The following NPHP4 variants were observed in gnomAD, a reference collection of about 807,000 sequenced individuals.
NPHP4 encodes the protein nephrocystin-4.
A neutral mutation model predicts 155.8 loss-of-function variants in NPHP4; 151 were observed. The ratio of observed to expected loss-of-function variants is 0.97; its 90% CI spans 0.85 to 1.11. The LOEUF (loss-of-function observed/expected upper bound fraction) is 1.11. Ranked by LOEUF, NPHP4 falls within the 50% of genes least tolerant of loss-of-function variation. The probability of loss-of-function intolerance (pLI) is 0.00; values close to 1 mark genes in which losing one functional copy is unlikely to be tolerated. For synonymous variants in NPHP4, 845 were observed against 816.8 expected (o/e 1.03, Z -0.59); for missense variants, 1,956 against 1,925.7 (o/e 1.02, Z -0.29).
chr1:5,963,710 G>C (rs560175540), intron 5 of NPHP4, among the ~76,000 whole-genome samples: 14 of 130,414 alleles, frequency 1.1e-4, no homozygotes, highest in African/African-American at 2.6e-4. Context: ...TTTTTTTTGA[G>C]ACAGAATCTT....
At chr1:5,934,380 C>T (rs997721252) in intron 9 of NPHP4, among the ~76,000 whole-genome samples, 2 of 152,170 alleles carry the variant, frequency 1.3e-5, no homozygotes, top group Admixed American at 6.5e-5. Flanking sequence ...CCAGAGCCAC[C>T]GGAACAGCCC....
chr1:5,987,176 G>C (rs904657641), intron 1 of NPHP4, among the ~76,000 whole-genome samples: 3 of 152,110 alleles, frequency 2.0e-5, no homozygotes, highest in Non-Finnish European at 4.4e-5. Context: ...CCAGCTTCTT[G>C]GTGGGTCTTG....
chr1:5,959,042 G>T (rs1377401597), intron 6 of NPHP4, among the ~76,000 whole-genome samples: 3 of 139,788 alleles, frequency 2.1e-5, no homozygotes, highest in African/African-American at 7.8e-5. Flanking sequence ...GTGGGGGCGG[G>T]GGGCGGGGGG....
chr1:5,923,958 G>C (rs1181152938), intron 11 of NPHP4, among the ~76,000 whole-genome samples: 1 of 152,282 alleles, frequency 6.6e-6, no homozygotes, highest in East Asian at 1.9e-4. Flanking sequence ...TAGCAAGCCA[G>C]GATATTAAAG....
intron 2 of NPHP4, among the ~76,000 whole-genome samples, chr1:5,980,970 T>G (rs1406647721): frequency 6.6e-6 from 1 of 152,084 alleles, no homozygotes; most frequent in Non-Finnish European, 1.5e-5. Flanking sequence ...TGAGCCTGCC[T>G]CATCTCTCCC....
chr1:5,970,704 G>A (rs150001301), intron 3 of NPHP4, among the ~76,000 whole-genome samples: 205 of 152,130 alleles, frequency 1.3e-3, no homozygotes, highest in African/African-American at 4.8e-3. Flanking sequence ...AAGAGGTAAG[G>A]AGAGCCGAGG....
chr1:5,935,943 C>A (rs1368092384), intron 9 of NPHP4, among the ~76,000 whole-genome samples: 1 of 152,138 alleles, frequency 6.6e-6, no homozygotes, highest in Non-Finnish European at 1.5e-5. Context: ...TCAACAATGT[C>A]TAGACTACTT....
chr1:5,931,939 T>G (rs1646297932), intron 10 of NPHP4, among the ~76,000 whole-genome samples: 1 of 152,008 alleles, frequency 6.6e-6, no homozygotes, highest in African/African-American at 2.4e-5. Context: ...CCAGGCATGG[T>G]GGCACATGCC....
intron 18 of NPHP4, chr1:5,880,550 CGCAAGGCGG>C: frequency 2.9e-6 from 1 of 348,202 alleles, no homozygotes; most frequent in Non-Finnish European, 5.5e-6. Flanking sequence ...ATCTCTGGGT[CGCAAGGCGG>C]GCTGCCTCAC....
chr1:5,940,777 C>A (rs775165755), intron 9 of NPHP4, among the ~76,000 whole-genome samples: 3 of 152,114 alleles, frequency 2.0e-5, no homozygotes, highest in Non-Finnish European at 4.4e-5. Context: ...TTTTTAAAAT[C>A]ATTCCTGAAA....
chr1:5,940,941 C>A (rs1557786608), intron 9 of NPHP4, among the ~76,000 whole-genome samples: 1 of 152,036 alleles, frequency 6.6e-6, no homozygotes, highest in East Asian at 1.9e-4. Flanking sequence ...TGGAGCTAGA[C>A]CTCTTGATAC....
chr1:5,904,479 C>T, intron 16 of NPHP4, 138 bp downstream of exon 16: 1 of 624,340 alleles, frequency 1.6e-6, no homozygotes, highest in Middle Eastern at 4.6e-4. Flanking sequence ...TAAGTGTTTG[C>T]TGCACTGGTC....
At chr1:5,864,229 T>G in intron 28 of NPHP4, 109 bp downstream of exon 28, 1 of 1,224,880 alleles carries the variant, frequency 8.2e-7, no homozygotes, top group Non-Finnish European at 1.1e-6. Flanking sequence ...CCCTGCTGGG[T>G]CAGAACACTG....
At chr1:5,866,299 C>G in intron 26 of NPHP4, 74 bp downstream of exon 26, 1 of 984,870 alleles carries the variant, frequency 1.0e-6, no homozygotes, top group South Asian at 1.4e-5. Context: ...CACTTTCAAT[C>G]CACCAGCAGC....
chr1:5,912,401 G>C (rs1477819078), intron 11 of NPHP4, among the ~76,000 whole-genome samples: 1 of 152,116 alleles, frequency 6.6e-6, no homozygotes, highest in Non-Finnish European at 1.5e-5. Context: ...AGCCGGGTAT[G>C]GTGGTGGGCA....
chr1:5,961,556 C>A (rs1177306515), intron 6 of NPHP4, among the ~76,000 whole-genome samples: 1 of 152,154 alleles, frequency 6.6e-6, no homozygotes, highest in Admixed American at 6.5e-5. Flanking sequence ...ATTTTCCCAA[C>A]CAAAGCAGCC....
intron 3 of NPHP4, among the ~76,000 whole-genome samples, chr1:5,970,763 G>A (rs865979739): frequency 5.3e-5 from 8 of 151,964 alleles, no homozygotes; most frequent in East Asian, 1.9e-4. Flanking sequence ...TCCTATTAAC[G>A]AGTCATTACC....
intron 11 of NPHP4, among the ~76,000 whole-genome samples, chr1:5,925,370 CA>C (rs1645945252): frequency 1.3e-5 from 2 of 152,136 alleles, no homozygotes; most frequent in African/African-American, 4.8e-5. Context: ...AATACCACAC[CA>C]TTTTATATAA....
intron 6 of NPHP4, among the ~76,000 whole-genome samples, chr1:5,960,360 T>C (rs1322531848): frequency 6.6e-6 from 1 of 151,784 alleles, no homozygotes; most frequent in Non-Finnish European, 1.5e-5. Flanking sequence ...TCCAAGAAAT[T>C]AATTAACTCA....
Sources: gnomAD v4.1 joint callset for allele counts (sites outside exome capture counted in the v4.1 genomes callset) on GRCh38, gnomAD v4.1.1 for gene constraint, MANE v1.5 for transcripts, NCBI Gene and HGNC (gene_info 2026-07-23, HGNC 2026-07-21) for gene names.